Variants in SLIT1 observed in about 807,000 individuals in gnomAD.
SLIT1 encodes the protein slit homolog 1 protein.
In SLIT1, 66 loss-of-function variants were observed where a neutral mutation model predicts 186.1. The ratio of observed to expected loss-of-function variants is 0.35; its 90% CI spans 0.29 to 0.44. The LOEUF (loss-of-function observed/expected upper bound fraction) is 0.44, where lower values mean the gene tolerates loss of function less well. Ranked by LOEUF, SLIT1 falls within the 20% of genes least tolerant of loss-of-function variation. The pLI, the probability that SLIT1 is intolerant of heterozygous loss-of-function variation, is 1.00. For synonymous variants in SLIT1, 761 were observed against 833.8 expected (o/e 0.91, Z 1.50); for missense variants, 1,638 against 2,037.4 (o/e 0.80, Z 3.77).
Position 97,001,246 on chromosome 10 carries a change from A to C in SLIT1, c.4471T>G (p.Ser1491Ala). 1 of 1,613,136 alleles carries C rather than the reference A, an allele frequency of 6.2e-7. No individual in the cohort carries two copies. Among genetic ancestry groups the C allele is most frequent in the Non-Finnish European group, 8.5e-7 (1 of 1,179,920 alleles). Residue 1491 changes from serine (S) to alanine (A), a missense_variant, in exon 37 of 37, where the codon TCG (serine) becomes GCG (alanine). Transcript: ENST00000266058. ...TGGCAGCAGCCCTGGCCTGGGCACG[A>C]GCCCCGGCACTCCACCCATGACAGG... ...RPLSWVECRG[S>A]CPGQGCCQGL...
chr10:97,032,802 A>G (rs7089880), intron 23 of SLIT1, among the ~76,000 whole-genome samples: 64,293 of 152,036 alleles, frequency 0.42, 13,927 homozygotes, highest in African/African-American at 0.52. Flanking sequence ...ATGCCTGTAC[A>G]GTGGAACACA....
chr10:97,109,681 T>C (rs1219912271), intron 4 of SLIT1, among the ~76,000 whole-genome samples: 1 of 152,056 alleles, frequency 6.6e-6, no homozygotes, highest in Non-Finnish European at 1.5e-5. Context: ...AGCCTTGGAG[T>C]GGCAGGTGCA....
chr10:97,110,176 C>T (rs922575802), intron 4 of SLIT1, among the ~76,000 whole-genome samples: 1 of 152,178 alleles, frequency 6.6e-6, no homozygotes, highest in African/African-American at 2.4e-5. Context: ...GGCTTGAAAC[C>T]ATATAGAGGT....
At chr10:97,143,101 T>G (rs913345496) in intron 4 of SLIT1, among the ~76,000 whole-genome samples, 2 of 152,202 alleles carry the variant, frequency 1.3e-5, no homozygotes, top group African/African-American at 4.8e-5. Context: ...AAAATAGAAC[T>G]GCCATATGAT....
In SLIT1 at chr10:97,043,303, G is replaced by T. The variant is rs1848705440; in HGVS notation, c.1997+67C>A. 1 of 1,592,828 alleles carries T rather than the reference G, an allele frequency of 6.3e-7. No homozygotes were observed. The highest frequency in any genetic ancestry group is 8.6e-7 in the Non-Finnish European group (1 of 1,164,746). ...CCCCAGGGTGAGCTCTTTCAAAGTGGCTGGCCGAGACGGTTGGGACGGTTG... is the reference window on the plus strand; with the variant it reads ...CCCCAGGGTGAGCTCTTTCAAAGTGTCTGGCCGAGACGGTTGGGACGGTTG... On this transcript the variant is annotated intron_variant, in intron 19 of 36. Coordinates refer to ENST00000266058, the MANE Select transcript of SLIT1 (RefSeq NM_003061.3). This position sits in a 1 kb window ranked among gnomAD's most constrained non-coding sequence, Gnocchi z 7.0.
intron 25 of SLIT1, among the ~76,000 whole-genome samples, chr10:97,023,047 C>G (rs1282039033): frequency 1.3e-5 from 2 of 151,726 alleles, no homozygotes; most frequent in Admixed American, 1.3e-4. Flanking sequence ...AATACTCATA[C>G]GTGCCTCTTT....
chr10:97,131,754 G>T (rs1031782115), intron 4 of SLIT1, among the ~76,000 whole-genome samples: 2 of 152,216 alleles, frequency 1.3e-5, no homozygotes, highest in African/African-American at 4.8e-5. Flanking sequence ...CGGTAGTCAT[G>T]ATAATAACAG....
At chr10:97,049,780 C>T (rs970508210) in intron 13 of SLIT1, among the ~76,000 whole-genome samples, 2 of 152,260 alleles carry the variant, frequency 1.3e-5, no homozygotes, top group African/African-American at 4.8e-5. Context: ...ACTCAGAAAT[C>T]ATGACTGAGC....
In SLIT1 at chr10:97,004,937, G is replaced by T. The variant is rs7922903; in HGVS notation, c.3580-114C>A. The T allele has an allele frequency of 0.13, 164,337 of 1,270,790 alleles. 15,667 individuals are homozygous for T. The highest frequency in any genetic ancestry group is 0.45 in the East Asian group (18,821 of 41,400). 78.7% of individuals were successfully genotyped at this position (1,270,790 alleles called of 1,614,324 possible). ...GGAAGAGAGATGCTCTGTGCAGAGC[G>T]CTCTTCCCCCACCTGGCCAGCCTCC... On this transcript the variant is annotated intron_variant, in intron 32 of 36. Transcript: ENST00000266058. This position sits in a 1 kb window ranked among gnomAD's most constrained non-coding sequence, Gnocchi z 5.1.
chr10:97,037,096 G>A (rs4919063), intron 22 of SLIT1, among the ~76,000 whole-genome samples: 6 of 131,622 alleles, frequency 4.6e-5, no homozygotes, highest in East Asian at 4.1e-4. Flanking sequence ...GTGTGTGTGT[G>A]TGTATGTGTG....
At chr10:97,019,957 T>C (rs1848488327) in intron 26 of SLIT1, among the ~76,000 whole-genome samples, 1 of 151,922 alleles carries the variant, frequency 6.6e-6, no homozygotes, top group Non-Finnish European at 1.5e-5. Context: ...TTCTGTTTCC[T>C]TTCTTTTTTC....
chr10:97,064,928 G>T (rs765498815), intron 5 of SLIT1, 52 bp from the exon 6 acceptor site: 1 of 1,460,930 alleles, frequency 6.8e-7, no homozygotes, highest in East Asian at 2.3e-5. Context: ...CTAGAGTAAG[G>T]GTGTCCAAAC....
rs186436385 is a variant in SLIT1 at position 97,170,117 on chromosome 10, C to T, written c.198-5227G>A. ...ATGTGCTTTGCCTACACAACAATAT[C>T]GGCGGCTCCCCCGCCAGGCTGAGTT... On this transcript the variant is annotated intron_variant, in intron 1 of 36. Transcript: ENST00000266058. Among the ~76,000 whole-genome samples, 10 of 152,344 alleles carry T rather than the reference C, an allele frequency of 6.6e-5. No homozygotes were observed. In the East Asian group the frequency reaches 1.9e-3, roughly 29 times the overall value.
rs1848977664 is a variant in SLIT1 at position 97,068,947 on chromosome 10, A to T, written c.414-2861T>A. 6.6e-6 allele frequency among the ~76,000 whole-genome samples: 1 copy of T among 152,058 alleles called. No homozygotes were observed. The highest frequency in any genetic ancestry group is 2.4e-5 in the African/African-American group (1 of 41,370). On this transcript the variant is annotated intron_variant, in intron 4 of 36. Coordinates refer to ENST00000266058, the MANE Select transcript of SLIT1 (RefSeq NM_003061.3). This position sits in a 1 kb window ranked among gnomAD's most constrained non-coding sequence, Gnocchi z 4.2. ...CTTTGCCTGCCTAATCCTTGTTATCATCTCTTCCTTGCCTAGAGAGTTCCT... is the reference window on the plus strand; with the variant it reads ...CTTTGCCTGCCTAATCCTTGTTATCTTCTCTTCCTTGCCTAGAGAGTTCCT...
Position 97,034,019 on chromosome 10 carries a change from C to T in SLIT1, c.2438+452G>A, listed in dbSNP as rs150666328. Among the ~76,000 whole-genome samples the T allele has an allele frequency of 3.9e-3, 587 of 152,208 alleles. 5 individuals carry two copies. Among genetic ancestry groups the T allele is most frequent in the African/African-American group, 0.014 (563 of 41,522 alleles). ...AGGTGGGACTACAGGCACCCGCCAC[C>T]CAGCCCGATTAATTTTTGTATTTTT... On this transcript the variant is annotated intron_variant, in intron 23 of 36. Coordinates refer to ENST00000266058, the MANE Select transcript of SLIT1 (RefSeq NM_003061.3).
At chr10:97,033,180 C>G (rs768959477) in intron 23 of SLIT1, among the ~76,000 whole-genome samples, 31 of 152,036 alleles carry the variant, frequency 2.0e-4, no homozygotes, top group Non-Finnish European at 4.0e-4. Context: ...CCCCAAGTAG[C>G]TGGGACCACA....
chr10:97,125,757 T>C (rs928617172), intron 4 of SLIT1, among the ~76,000 whole-genome samples: 13 of 151,956 alleles, frequency 8.6e-5, no homozygotes, highest in Non-Finnish European at 1.6e-4. Context: ...GAGAATCATT[T>C]GAAACCAGGA....
chr10:97,046,944 C>A, intron 17 of SLIT1, 47 bp downstream of exon 17: 2 of 1,564,378 alleles, frequency 1.3e-6, no homozygotes, highest in Non-Finnish European at 1.8e-6. Flanking sequence ...CTTGTCCATC[C>A]CTGGCCAGCA....
At chr10:97,058,594 C>T (rs568516144) in intron 11 of SLIT1, among the ~76,000 whole-genome samples, 62 of 152,332 alleles carry the variant, frequency 4.1e-4, no homozygotes, top group African/African-American at 1.4e-3. Context: ...GCCCCACCCT[C>T]TACTTGGACT....
Sources: allele counts gnomAD v4.1 joint callset (sites outside exome capture counted in the v4.1 genomes callset), GRCh38; gene constraint gnomAD v4.1.1; non-coding constraint Gnocchi (gnomAD v3.1); transcripts MANE v1.5; gene names NCBI Gene and HGNC (gene_info 2026-07-23, HGNC 2026-07-21).